FAM83B: variants seen among roughly 807,000 people sequenced by gnomAD.
FAM83B encodes the protein protein FAM83B.
Under a neutral mutation model 38.8 loss-of-function variants are expected in FAM83B, and 26 were observed. That is an observed-to-expected ratio of 0.67 (90% CI 0.49 to 0.93). FAM83B has a LOEUF of 0.93. FAM83B is among the 40% of genes least tolerant of loss of function. The pLI, the probability that FAM83B is intolerant of heterozygous loss-of-function variation, is 0.00. For synonymous variants in FAM83B, 419 were observed against 423.1 expected, an observed-to-expected ratio of 0.99 and a Z score of 0.12; for missense variants, 1,237 against 1,197.3, an observed-to-expected ratio of 1.03 and a Z score of -0.49.
At chr6:54,932,972 A>T (rs1249368347) in intron 4 of FAM83B, among the ~76,000 whole-genome samples, 6 of 152,092 alleles carry the variant, frequency 3.9e-5, no homozygotes, top group African/African-American at 1.4e-4. Context: ...AGTTCTTTAA[A>T]ATTTGTATGT....
chr6:54,882,738 G>A (rs1459133965), intron 2 of FAM83B, among the ~76,000 whole-genome samples: 2 of 152,110 alleles, frequency 1.3e-5, no homozygotes, highest in African/African-American at 2.4e-5. Context: ...TACTGGACCT[G>A]TTCTGGGCCT....
chr6:54,870,501 T>G lies in FAM83B; in HGVS notation c.255T>G (p.Asp85Glu). The change falls in exon 2 of 5, where the codon GAT becomes GAG. Residue 85 changes from aspartate to glutamate, a missense_variant. Coordinates refer to ENST00000306858, the MANE Select transcript of FAM83B (RefSeq NM_001010872.3). ...ATGGTACTGATGATTCCTGTGATGA[T>G]ACCTTATCTTCAGGGACCTACTGGC... ...TAHGTDDSCDDTLSSGTYWPV... is the reference protein window; with the variant it reads ...TAHGTDDSCDETLSSGTYWPV... The G allele has an allele frequency of 6.2e-7, 1 of 1,614,082 alleles. No individual in the cohort carries two copies. Among genetic ancestry groups the G allele is most frequent in the Non-Finnish European group, 8.5e-7 (1 of 1,179,972 alleles).
At chr6:54,903,586 C>T (rs973791493) in intron 2 of FAM83B, among the ~76,000 whole-genome samples, 5 of 152,048 alleles carry the variant, frequency 3.3e-5, no homozygotes, top group Non-Finnish European at 7.4e-5. Flanking sequence ...CCACTTATAT[C>T]GGTTTTAATA....
intron 2 of FAM83B, among the ~76,000 whole-genome samples, chr6:54,925,075 T>C (rs764402716): frequency 2.6e-5 from 4 of 152,164 alleles, no homozygotes; most frequent in Non-Finnish European, 4.4e-5. Flanking sequence ...ATCTCGTTTC[T>C]GTTTTTTGGA....
At chr6:54,848,137 T>C (rs1466375763) in intron 1 of FAM83B, among the ~76,000 whole-genome samples, 1 of 152,020 alleles carries the variant, frequency 6.6e-6, no homozygotes, top group Non-Finnish European at 1.5e-5. Flanking sequence ...AGGCTCAAAA[T>C]GATTGGAGAA....
In FAM83B at chr6:54,941,418, AACCAAAGAAATCAG is replaced by A; in HGVS notation, c.2450_2463del (p.Pro817HisfsTer4). The A allele has an allele frequency of 1.9e-6, 3 of 1,613,012 alleles. No individual in the cohort carries two copies. Among genetic ancestry groups the A allele is most frequent in the Non-Finnish European group, 2.5e-6 (3 of 1,179,788 alleles). ...GTTTCTGAGGGTGAAGAAAATCAAAAACCAAAGAAATCAGACACAAAAGTTGATTCATCTCCTAG... is the reference window on the plus strand; with the variant it reads ...GTTTCTGAGGGTGAAGAAAATCAAAAACACAAAAGTTGATTCATCTCCTAG... On this transcript the variant is annotated frameshift_variant, in exon 5 of 5. Coordinates refer to ENST00000306858, the MANE Select transcript of FAM83B (RefSeq NM_001010872.3). LOFTEE classifies it low-confidence loss of function (END_TRUNC).
chr6:54,860,894 G>A (rs1771567595), intron 1 of FAM83B, among the ~76,000 whole-genome samples: 2 of 152,164 alleles, frequency 1.3e-5, no homozygotes, highest in African/African-American at 4.8e-5. Flanking sequence ...TTCACAGCAT[G>A]TTAACCACAG....
rs1771820142 is a variant in FAM83B, at chr6:54,870,456, A to C, written c.210A>C (p.Lys70Asn). The C allele has an allele frequency of 6.2e-7, 1 of 1,613,956 alleles. No homozygotes were observed. The highest frequency in any genetic ancestry group is 1.3e-5 in the African/African-American group (1 of 74,918). ...EINYILKNVQ[K>N]VAQSTAHGTD... is the part of the protein sequence containing the mutation. ...ATTATATTTTGAAAAATGTCCAGAA[A>C]GTTGCACAAAGCACAGCACATGGTA... Residue 70 changes from lysine to asparagine, a missense_variant, in exon 2 of 5, where the codon AAA becomes AAC. Coordinates refer to ENST00000306858, the MANE Select transcript of FAM83B (RefSeq NM_001010872.3).
intron 2 of FAM83B, among the ~76,000 whole-genome samples, chr6:54,903,028 T>C (rs779052810): frequency 6.6e-6 from 1 of 152,188 alleles, no homozygotes; most frequent in Non-Finnish European, 1.5e-5. Flanking sequence ...CAAGAAGATA[T>C]GTAGAAAATA....
chr6:54,918,880 G>A (rs775892250), intron 2 of FAM83B, among the ~76,000 whole-genome samples: 12 of 152,048 alleles, frequency 7.9e-5, no homozygotes, highest in Non-Finnish European at 1.0e-4. Context: ...GTAACTCCCC[G>A]CAGAGCTTCC....
intron 2 of FAM83B, among the ~76,000 whole-genome samples, chr6:54,898,000 T>G (rs1772578026): frequency 6.6e-6 from 1 of 152,182 alleles, no homozygotes; most frequent in Admixed American, 6.5e-5. Flanking sequence ...GATTATGATG[T>G]CATGTATACT....
intron 2 of FAM83B, among the ~76,000 whole-genome samples, chr6:54,888,005 A>G (rs1043924978): frequency 2.1e-5 from 3 of 143,074 alleles, no homozygotes; most frequent in African/African-American, 7.8e-5. Flanking sequence ...TCTGTTCTTT[A>G]TTCCTTTTTT....
Position 54,938,878 on chromosome 6 carries a change from AT to A in FAM83B, c.735-823del, listed in dbSNP as rs1208889656. Among the ~76,000 whole-genome samples, 3 of 151,538 alleles carry A rather than the reference AT, an allele frequency of 2.0e-5. No individual in the cohort carries two copies. The East Asian group carries it at 5.8e-4, about 29-fold the overall frequency. Reference sequence around the variant, plus strand: ...TTTTTTGTTTAACTAGGTTCCATCTATTTTTCTCTGTTTTTGTTGCATTTGT... The same window carrying A: ...TTTTTTGTTTAACTAGGTTCCATCTATTTTCTCTGTTTTTGTTGCATTTGT... On this transcript the variant is annotated intron_variant, in intron 4 of 4. Coordinates refer to ENST00000306858, the MANE Select transcript of FAM83B (RefSeq NM_001010872.3).
rs371571539 is a variant in FAM83B at position 54,940,942 on chromosome 6, G to A, written c.1971G>A (p.Glu657=). Residue 657 remains glutamate (E), a synonymous_variant, in exon 5 of 5, where the codon GAG becomes GAA. Transcript: ENST00000306858. ...AAAATCTAAAGAATCAACAGACTGA[G>A]AATCTACTTAAAAGGCGAAGTTTCC... ...QTENLKNQQT[E]NLLKRRSFPL... is the part of the protein sequence containing the mutation. The A allele has an allele frequency of 3.1e-6, 5 of 1,613,442 alleles. No individual in the cohort carries two copies. The highest frequency in any genetic ancestry group is 4.2e-6 in the Non-Finnish European group (5 of 1,179,856).
intron 2 of FAM83B, among the ~76,000 whole-genome samples, chr6:54,876,818 A>G (rs752500272): frequency 1.3e-5 from 2 of 152,126 alleles, no homozygotes; most frequent in Non-Finnish European, 2.9e-5. Flanking sequence ...GTTACTGACT[A>G]TGGTACAAAA....
At chr6:54,927,375 A>G in intron 3 of FAM83B, 133 bp from the exon 4 acceptor site, 1 of 595,038 alleles carries the variant, frequency 1.7e-6, no homozygotes, top group Non-Finnish European at 2.7e-6. Flanking sequence ...AGGATTTAAT[A>G]TTTGGGAGTT....
At chr6:54,908,451 G>A (rs1003412180) in intron 2 of FAM83B, among the ~76,000 whole-genome samples, 3 of 151,972 alleles carry the variant, frequency 2.0e-5, no homozygotes, top group Non-Finnish European at 1.5e-5. Flanking sequence ...AATATTGTAT[G>A]CATTTAGCAT....
chr6:54,934,457 C>G (rs1026670162), intron 4 of FAM83B, among the ~76,000 whole-genome samples: 1 of 152,064 alleles, frequency 6.6e-6, no homozygotes, highest in Non-Finnish European at 1.5e-5. Flanking sequence ...ATATAAATAT[C>G]ACTTATCTGG....
rs964162467 is a variant in FAM83B, at chr6:54,942,507, G to A, written c.*500G>A. On this transcript the variant is annotated 3_prime_UTR_variant, in exon 5 of 5. Transcript: ENST00000306858. ...ATATTTTATTAATATTATTTTTTCT[G>A]TGGATCATTGTACAGCTGTTTGGGC... Among the ~76,000 whole-genome samples, 3 of 151,878 alleles carry A rather than the reference G, an allele frequency of 2.0e-5. No homozygotes were observed. The highest frequency in any genetic ancestry group is 7.3e-5 in the African/African-American group (3 of 41,290).
Sources: allele counts gnomAD v4.1 joint callset (sites outside exome capture counted in the v4.1 genomes callset), GRCh38; gene constraint gnomAD v4.1.1; transcripts MANE v1.5; gene names NCBI Gene and HGNC (gene_info 2026-07-23, HGNC 2026-07-21).